The following PLCB1 variants were observed in gnomAD, a reference collection of about 807,000 sequenced individuals.
PLCB1 encodes the protein phospholipase C beta 1.
A neutral mutation model predicts 161.8 loss-of-function variants in PLCB1; 46 were observed. The ratio of observed to expected loss-of-function variants is 0.28; its 90% confidence interval spans 0.22 to 0.36. The LOEUF (loss-of-function observed/expected upper bound fraction) is 0.36. Ranked by LOEUF, PLCB1 falls within the 10% of genes least tolerant of loss-of-function variation. PLCB1 has a pLI of 1.00. For missense variants in PLCB1, 1,016 were observed against 1,472.5 expected, an observed-to-expected ratio of 0.69 and a Z score of 5.07; for synonymous variants, 517 against 503.7, an observed-to-expected ratio of 1.03 and a Z score of -0.35.
At chr20:8,785,583 T>A (rs947097839) in intron 27 of PLCB1, among the ~76,000 whole-genome samples, 5 of 151,244 alleles carry the variant, frequency 3.3e-5, no homozygotes, top group Admixed American at 6.6e-5. Context: ...ATGCAGGGGG[T>A]GTGATGGGAG....
chr20:8,794,355 A>G (rs1983914894), intron 31 of PLCB1, among the ~76,000 whole-genome samples: 1 of 152,240 alleles, frequency 6.6e-6, no homozygotes, highest in South Asian at 2.1e-4. Context: ...AGAAATTATA[A>G]AAGTATTAAT....
At chr20:8,774,149 A>C (rs1053830167) in intron 26 of PLCB1, among the ~76,000 whole-genome samples, 1 of 152,240 alleles carries the variant, frequency 6.6e-6, no homozygotes, top group Non-Finnish European at 1.5e-5. Flanking sequence ...TGAAGTTTTC[A>C]TACGGGAAAG....
At chr20:8,744,619 A>AT (rs1555787583) in intron 23 of PLCB1, among the ~76,000 whole-genome samples, 18 of 119,382 alleles carry the variant, frequency 1.5e-4, no homozygotes, top group African/African-American at 5.7e-4. Context: ...AATAAAATAA[A>AT]TAAAATAAAA....
intron 2 of PLCB1, among the ~76,000 whole-genome samples, chr20:8,332,088 T>G (rs1376359161): frequency 1.3e-5 from 2 of 152,230 alleles, no homozygotes; most frequent in African/African-American, 2.4e-5. Flanking sequence ...TTCTGGTCGC[T>G]GAACTGGCAG....
chr20:8,442,582 A>T (rs1270282929), intron 3 of PLCB1, among the ~76,000 whole-genome samples: 1 of 152,016 alleles, frequency 6.6e-6, no homozygotes, highest in African/African-American at 2.4e-5. Context: ...AGAAGGTCCC[A>T]TTTTTTCTTA....
intron 31 of PLCB1, among the ~76,000 whole-genome samples, chr20:8,862,938 G>T (rs377473053): frequency 2.2e-4 from 33 of 152,310 alleles, no homozygotes; most frequent in African/African-American, 7.5e-4. Context: ...GCAATTAAAA[G>T]TGTGGCTTTT....
At chr20:8,423,533 A>G (rs1490818923) in intron 3 of PLCB1, among the ~76,000 whole-genome samples, 1 of 152,234 alleles carries the variant, frequency 6.6e-6, no homozygotes, top group Non-Finnish European at 1.5e-5. Flanking sequence ...TGCTTGTAGC[A>G]TGTCCCAGGA....
intron 3 of PLCB1, among the ~76,000 whole-genome samples, chr20:8,561,150 G>GT (rs1254445178): frequency 6.6e-6 from 1 of 151,882 alleles, no homozygotes; most frequent in African/African-American, 2.4e-5. Flanking sequence ...GCTGAAGACC[G>GT]TTAGTGGAGA....
At chr20:8,232,329 A>G (rs1460527764) in intron 2 of PLCB1, among the ~76,000 whole-genome samples, 1 of 152,170 alleles carries the variant, frequency 6.6e-6, no homozygotes, top group Non-Finnish European at 1.5e-5. Context: ...CATCATTAGC[A>G]TCTTAAGATA....
intron 2 of PLCB1, among the ~76,000 whole-genome samples, chr20:8,323,523 A>G (rs1422694934): frequency 6.6e-6 from 1 of 151,744 alleles, no homozygotes; most frequent in Non-Finnish European, 1.5e-5. Flanking sequence ...ATTCCTATAA[A>G]CTCTCTCCTT....
intron 2 of PLCB1, among the ~76,000 whole-genome samples, chr20:8,340,528 T>A (rs1600327820): frequency 1.3e-5 from 2 of 152,132 alleles, no homozygotes; most frequent in African/African-American, 4.8e-5. Flanking sequence ...GTTCACGCCA[T>A]TCTCCTGCCT....
At chr20:8,399,252 T>C (rs1444264988) in intron 3 of PLCB1, among the ~76,000 whole-genome samples, 2 of 152,126 alleles carry the variant, frequency 1.3e-5, no homozygotes, top group African/African-American at 4.8e-5. Context: ...CCTATCCTGG[T>C]ATCTAGGTGT....
At position 8,637,446 on chromosome 20, in the gene PLCB1, T is replaced by C. The variant is rs528380792; in HGVS notation, c.385-8656T>C. Among the ~76,000 whole-genome samples, 7 of 152,138 alleles carry C rather than the reference T, an allele frequency of 4.6e-5. No individual in the cohort carries two copies. In the East Asian group the frequency reaches 1.4e-3, roughly 29 times the overall value. On this transcript the variant is annotated intron_variant, in intron 4 of 31. Transcript: ENST00000338037. ...CTAAACAAAAGTACTGGTCTTAAAGTCTAAATAGCAAGTACAGGAATGGAG... is the reference window on the plus strand; with the variant it reads ...CTAAACAAAAGTACTGGTCTTAAAGCCTAAATAGCAAGTACAGGAATGGAG...
intron 2 of PLCB1, among the ~76,000 whole-genome samples, chr20:8,259,740 C>G (rs1305275046): frequency 6.6e-6 from 1 of 152,132 alleles, no homozygotes; most frequent in Admixed American, 6.5e-5. Flanking sequence ...TGCTTAAATC[C>G]AAAATATGCC....
intron 3 of PLCB1, among the ~76,000 whole-genome samples, chr20:8,542,359 G>A (rs1177897817): frequency 6.6e-6 from 1 of 152,202 alleles, no homozygotes; most frequent in Non-Finnish European, 1.5e-5. Context: ...TAATGAAACT[G>A]ACAGTCATTT....
rs183697198 is a variant in PLCB1 at position 8,680,033 on chromosome 20, T to A, written c.863-4899T>A. Among the ~76,000 whole-genome samples, 585 of 152,330 alleles carry A rather than the reference T, an allele frequency of 3.8e-3. 3 individuals carry two copies. Among genetic ancestry groups the A allele is most frequent in the African/African-American group, 0.013 (520 of 41,576 alleles). On this transcript the variant is annotated intron_variant, in intron 9 of 31. Coordinates refer to ENST00000338037, the MANE Select transcript of PLCB1 (RefSeq NM_015192.4). ...ACTCATCCTATAATTAAGGAATTTG[T>A]CCCTGACCAGTGACCACTGGCAAGA...
intron 3 of PLCB1, among the ~76,000 whole-genome samples, chr20:8,556,982 T>A (rs370527658): frequency 7.0e-5 from 7 of 100,604 alleles, no homozygotes; most frequent in Admixed American, 5.0e-4. Flanking sequence ...AATAAATAAA[T>A]AAAATAAATA....
chr20:8,719,499 G>GAA (rs1979510005), intron 14 of PLCB1, among the ~76,000 whole-genome samples: 1 of 152,054 alleles, frequency 6.6e-6, no homozygotes. Flanking sequence ...TGAAAACTAT[G>GAA]GATGAATCAC....
chr20:8,695,302 A>C (rs963426533), intron 10 of PLCB1, among the ~76,000 whole-genome samples: 1 of 152,166 alleles, frequency 6.6e-6, no homozygotes, highest in Non-Finnish European at 1.5e-5. Flanking sequence ...AGTAGGCTTA[A>C]TCCCATTTTC....
Sources: gnomAD v4.1 joint callset for allele counts (sites outside exome capture counted in the v4.1 genomes callset) on GRCh38, gnomAD v4.1.1 for gene constraint, MANE v1.5 for transcripts, NCBI Gene and HGNC (gene_info 2026-07-23, HGNC 2026-07-21) for gene names.